Variants in SPHKAP observed in about 807,000 individuals in gnomAD.
The protein encoded by SPHKAP is SPHK1 interactor, AKAP domain containing.
SPHKAP carries 67 observed loss-of-function variants against 137.5 expected under a neutral mutation model. That is an observed-to-expected ratio of 0.49 (90% CI 0.40 to 0.60). The LOEUF (loss-of-function observed/expected upper bound fraction) is 0.60. SPHKAP is among the 20% of genes least tolerant of loss of function. The pLI is 0.00. For missense variants in SPHKAP, 2,097 were observed against 2,069.3 expected (o/e 1.01, Z -0.26); for synonymous variants, 813 against 785.3 (o/e 1.04, Z -0.59).
chr2:228,105,288 A>C (rs1698304722), intron 3 of SPHKAP, among the ~76,000 whole-genome samples: 1 of 152,218 alleles, frequency 6.6e-6, no homozygotes, highest in South Asian at 2.1e-4. Flanking sequence ...TTTAATTAAA[A>C]AAAAAGTCAA....
intron 5 of SPHKAP, among the ~76,000 whole-genome samples, chr2:228,022,515 T>C (rs1254336616): frequency 6.6e-6 from 1 of 152,200 alleles, no homozygotes; most frequent in Admixed American, 6.5e-5. Context: ...CCATAAAGAC[T>C]GGGGACTTTA....
At chr2:228,026,297 A>G (rs114206626) in intron 4 of SPHKAP, among the ~76,000 whole-genome samples, 2,150 of 152,252 alleles carry the variant, frequency 0.014, 28 homozygotes, top group Middle Eastern at 0.058. Flanking sequence ...TTCTTTTCTA[A>G]TTGTGAATAA....
intron 7 of SPHKAP, among the ~76,000 whole-genome samples, chr2:227,998,489 A>G (rs986250760): frequency 1.3e-5 from 2 of 152,178 alleles, no homozygotes; most frequent in Non-Finnish European, 2.9e-5. Context: ...AAGCAACAGC[A>G]TATTTTGCTA....
chr2:228,019,048 A>G lies in SPHKAP; in HGVS notation c.1806T>C (p.Leu602=). 4 of 1,614,116 alleles carry G rather than the reference A, an allele frequency of 2.5e-6. No individual in the cohort carries two copies. The highest frequency in any genetic ancestry group is 3.4e-6 in the Non-Finnish European group (4 of 1,180,004). ...CAAGCTCCATGCTTGCTAAACCACA[A>G]AGTGGGGGCATGGCTTCAGAAGCCT... ...AAEASEAMPP[L]CGLASMELGK... The change falls in exon 7 of 12, where the codon CTT becomes CTC. Residue 602 remains leucine, a synonymous_variant. Coordinates refer to ENST00000392056, the MANE Select transcript of SPHKAP (RefSeq NM_001142644.2).
intron 3 of SPHKAP, among the ~76,000 whole-genome samples, chr2:228,081,120 C>T (rs1258269064): frequency 6.6e-6 from 1 of 152,192 alleles, no homozygotes; most frequent in African/African-American, 2.4e-5. Flanking sequence ...CCTAAGCCAA[C>T]AGCTGCAGAG....
At chr2:228,142,420 C>T (rs548182574) in intron 1 of SPHKAP, among the ~76,000 whole-genome samples, 78 of 151,070 alleles carry the variant, frequency 5.2e-4, no homozygotes, top group African/African-American at 1.6e-3. Flanking sequence ...TGCAGTGAGC[C>T]GAGATGGCAC....
At position 228,003,502 on chromosome 2, in the gene SPHKAP, T is replaced by C. The variant is rs1216433108; in HGVS notation, c.4449-7808A>G. On this transcript the variant is annotated intron_variant, in intron 7 of 11. Coordinates refer to ENST00000392056, the MANE Select transcript of SPHKAP (RefSeq NM_001142644.2). ...GTTTTCTAAATACACAATCATGTCA[T>C]CTGCAAACAGGGACAATTTGACTTC... Among the ~76,000 whole-genome samples the C allele has an allele frequency of 2.0e-5, 3 of 152,332 alleles. No individual in the cohort carries two copies. In the East Asian group the frequency reaches 5.8e-4, roughly 29 times the overall value.
At chr2:227,996,139 C>T (rs1279133562) in intron 7 of SPHKAP, 94 of 984,972 alleles carry the variant, frequency 9.5e-5, no homozygotes, top group Non-Finnish European at 1.1e-4. Context: ...ATACCTACCC[C>T]GTTTCTGGTG....
At chr2:228,108,127 AT>A (rs1489478887) in intron 3 of SPHKAP, among the ~76,000 whole-genome samples, 1 of 152,030 alleles carries the variant, frequency 6.6e-6, no homozygotes, top group Non-Finnish European at 1.5e-5. Context: ...ATTACATTAC[AT>A]TTTTCTCCTC....
At chr2:228,002,996 C>T (rs199847733) in intron 7 of SPHKAP, among the ~76,000 whole-genome samples, 6 of 152,134 alleles carry the variant, frequency 3.9e-5, no homozygotes, top group East Asian at 1.9e-4. Context: ...TGAAGTCAGG[C>T]AGCGTGATGC....
intron 4 of SPHKAP, 61 bp from the exon 5 acceptor site, chr2:228,025,589 A>T (rs1269235331): frequency 1.0e-5 from 16 of 1,586,270 alleles, no homozygotes; most frequent in African/African-American, 1.3e-5. Context: ...CTACTCACAA[A>T]CTACTTTACC....
At chr2:228,027,384 A>G (rs983860801) in intron 4 of SPHKAP, 100 bp downstream of exon 4, 4 of 1,224,514 alleles carry the variant, frequency 3.3e-6, no homozygotes, top group Admixed American at 1.8e-5. Context: ...GAAACTATCT[A>G]ACTAAAGAGT....
At chr2:228,000,388 G>T (rs184860330) in intron 7 of SPHKAP, among the ~76,000 whole-genome samples, 1 of 152,326 alleles carries the variant, frequency 6.6e-6, no homozygotes, top group African/African-American at 2.4e-5. Flanking sequence ...GGAGGCCAAG[G>T]TGGGTGGATC....
intron 1 of SPHKAP, among the ~76,000 whole-genome samples, chr2:228,162,547 C>G (rs1024802591): frequency 2.6e-5 from 4 of 151,994 alleles, no homozygotes; most frequent in Non-Finnish European, 5.9e-5. Flanking sequence ...GAAAAGTGTT[C>G]AATGAAATTA....
Position 228,016,479 on chromosome 2 carries a change from G to A in SPHKAP, c.4375C>T (p.His1459Tyr), listed in dbSNP as rs146261052. 1.2e-6 allele frequency: 2 copies of A among 1,613,310 alleles called. No homozygotes were observed. Among genetic ancestry groups the A allele is most frequent in the Non-Finnish European group, 1.7e-6 (2 of 1,179,728 alleles). Reference sequence around the variant, plus strand: ...TCTGGGATGTTTTTGTCATTCGAATGCCCTTCTGCTTCCTCTAGGAGGCTG... The same window carrying A: ...TCTGGGATGTTTTTGTCATTCGAATACCCTTCTGCTTCCTCTAGGAGGCTG... ...KSSLLEEAEG[H>Y]SNDKNIPDVV... The change falls in exon 7 of 12, where the codon CAT becomes TAT. Residue 1459 changes from histidine (H) to tyrosine (Y), a missense_variant. His to Tyr is a moderately conservative substitution (Grantham distance 83). Transcript: ENST00000392056.
intron 3 of SPHKAP, among the ~76,000 whole-genome samples, chr2:228,058,222 T>A (rs75673306): frequency 0.018 from 2,697 of 152,304 alleles, 83 homozygotes; most frequent in African/African-American, 0.061. Context: ...TCCCAGCCTG[T>A]CAAGCTTCCA....
chr2:228,002,920 C>G (rs958767183), intron 7 of SPHKAP, among the ~76,000 whole-genome samples: 2 of 152,006 alleles, frequency 1.3e-5, no homozygotes, highest in Admixed American at 6.6e-5. Flanking sequence ...CTGTTCCATT[C>G]GTCTATACCT....
intron 3 of SPHKAP, among the ~76,000 whole-genome samples, chr2:228,036,230 A>G (rs1317283012): frequency 2.6e-5 from 4 of 151,906 alleles, no homozygotes; most frequent in Admixed American, 6.6e-5. Context: ...AAGGATATGA[A>G]CAGACACTTC....
intron 2 of SPHKAP, among the ~76,000 whole-genome samples, chr2:228,128,061 G>T (rs149037571): frequency 6.6e-6 from 1 of 152,134 alleles, no homozygotes; most frequent in Non-Finnish European, 1.5e-5. Flanking sequence ...GACGCTGAAG[G>T]TTACAGTAGC....
Sources: allele counts gnomAD v4.1 joint callset (sites outside exome capture counted in the v4.1 genomes callset), GRCh38; gene constraint gnomAD v4.1.1; transcripts MANE v1.5; gene names NCBI Gene and HGNC (gene_info 2026-07-23, HGNC 2026-07-21).